The following DIP2C variants were observed in gnomAD, a reference collection of about 807,000 sequenced individuals.
The protein encoded by DIP2C is DIP2 acetate--CoA ligase C (putative), also known as disco-interacting protein 2 homolog C.
DIP2C carries 33 observed loss-of-function variants against 192.4 expected under a neutral mutation model. The ratio of observed to expected loss-of-function variants is 0.17; its 90% CI spans 0.13 to 0.23. The LOEUF (loss-of-function observed/expected upper bound fraction) is 0.23. Ranked by LOEUF, DIP2C falls within the 10% of genes least tolerant of loss-of-function variation. The pLI, the probability that DIP2C is intolerant of heterozygous loss-of-function variation, is 1.00. For synonymous variants in DIP2C, 979 were observed against 864.1 expected, an observed-to-expected ratio of 1.13 and a Z score of -2.33; for missense variants, 1,537 against 2,110.1, an observed-to-expected ratio of 0.73 and a Z score of 5.32.
intron 13 of DIP2C, among the ~76,000 whole-genome samples, chr10:388,659 T>C (rs1278258183): frequency 1.3e-5 from 2 of 152,112 alleles, no homozygotes; most frequent in Admixed American, 6.5e-5. Context: ...GTGTGAAAAC[T>C]CCATGGCCAA....
chr10:603,910 C>A (rs1016532936), intron 1 of DIP2C, among the ~76,000 whole-genome samples: 1 of 151,544 alleles, frequency 6.6e-6, no homozygotes, highest in Non-Finnish European at 1.5e-5. Flanking sequence ...ACCACTGCCC[C>A]AGCCTCAGCC....
At chr10:384,480 C>T (rs1962695794) in intron 15 of DIP2C, 66 bp downstream of exon 15, 2 of 1,513,594 alleles carry the variant, frequency 1.3e-6, no homozygotes, top group Non-Finnish European at 1.8e-6. Context: ...TCAGGTGATC[C>T]ACCTGCTTTG....
chr10:643,519 A>C (rs1193083914), intron 1 of DIP2C, among the ~76,000 whole-genome samples: 1 of 152,170 alleles, frequency 6.6e-6, no homozygotes, highest in Non-Finnish European at 1.5e-5. Context: ...ATCTCAAAAA[A>C]AAACAAAAAC....
intron 1 of DIP2C, among the ~76,000 whole-genome samples, chr10:560,083 G>C (rs952545717): frequency 6.6e-6 from 1 of 151,772 alleles, no homozygotes; most frequent in African/African-American, 2.4e-5. Context: ...TGCGCCCAAG[G>C]CCTGACTCCC....
At chr10:610,599 GAC>G (rs1216638921) in intron 1 of DIP2C, among the ~76,000 whole-genome samples, 1 of 152,242 alleles carries the variant, frequency 6.6e-6, no homozygotes, top group African/African-American at 2.4e-5. Context: ...ATAAACCAAT[GAC>G]AGAATCGTTT....
intron 10 of DIP2C, among the ~76,000 whole-genome samples, chr10:395,888 C>T (rs985986284): frequency 1.3e-5 from 2 of 152,178 alleles, no homozygotes; most frequent in African/African-American, 4.8e-5. Flanking sequence ...GAAGTCCTGG[C>T]CTCCTGAAAT....
intron 1 of DIP2C, among the ~76,000 whole-genome samples, chr10:550,577 A>G (rs2130943142): frequency 1.3e-5 from 2 of 152,314 alleles, no homozygotes; most frequent in East Asian, 3.9e-4. Flanking sequence ...TATTACAACA[A>G]TCAGATCTGT....
intron 3 of DIP2C, among the ~76,000 whole-genome samples, chr10:470,271 G>A (rs932982126): frequency 2.0e-5 from 3 of 152,182 alleles, no homozygotes; most frequent in Non-Finnish European, 2.9e-5. Flanking sequence ...TGTGTGTGAA[G>A]AGGCGCCATA....
rs1959483842 is a variant in DIP2C at position 361,381 on chromosome 10, A to AGGCTGCT, written c.2794+1102_2794+1108dup. On this transcript the variant is annotated intron_variant, in intron 22 of 36. Coordinates refer to ENST00000280886, the MANE Select transcript of DIP2C (RefSeq NM_014974.3). ...ACTGGGTTTTCCTGACCTCGGCGTG[A>AGGCTGCT]GGCTGCTGGCTGCTCTCTCTCGCCT... 2.0e-5 allele frequency among the ~76,000 whole-genome samples: 3 copies of AGGCTGCT among 152,236 alleles called. No homozygotes were observed. In the South Asian group the frequency reaches 6.2e-4, roughly 32 times the overall value.
At chr10:377,113 T>A (rs1038446178) in intron 17 of DIP2C, among the ~76,000 whole-genome samples, 1 of 151,678 alleles carries the variant, frequency 6.6e-6, no homozygotes, top group Non-Finnish European at 1.5e-5. Context: ...TGCCCATCTT[T>A]ACTGCCTCAC....
At chr10:608,217 C>CA (rs1554754390) in intron 1 of DIP2C, among the ~76,000 whole-genome samples, 1 of 33,744 alleles carries the variant, frequency 3.0e-5, no homozygotes, top group South Asian at 1.4e-3. Context: ...CACAGCCCCC[C>CA]CACACACACC....
chr10:600,440 G>T (rs796414295), intron 1 of DIP2C, among the ~76,000 whole-genome samples: 46 of 124,942 alleles, frequency 3.7e-4, no homozygotes, highest in African/African-American at 1.6e-3. Flanking sequence ...CCCAGGGTGT[G>T]CAGATGCTCC....
intron 1 of DIP2C, chr10:650,210 A>G: frequency 1.4e-6 from 1 of 717,348 alleles, no homozygotes; most frequent in Non-Finnish European, 2.6e-6. Flanking sequence ...TGGGGAGGCC[A>G]CACGGGGAGG....
At chr10:686,607 C>G (rs1057308460) in intron 1 of DIP2C, among the ~76,000 whole-genome samples, 10 of 152,272 alleles carry the variant, frequency 6.6e-5, no homozygotes, top group Non-Finnish European at 1.3e-4. Flanking sequence ...AGGCCATCAG[C>G]TCCCACAAGA....
At chr10:495,919 T>C (rs1844795571) in intron 1 of DIP2C, among the ~76,000 whole-genome samples, 1 of 149,186 alleles carries the variant, frequency 6.7e-6, no homozygotes, top group Admixed American at 6.7e-5. Context: ...CCAAAGTGAG[T>C]GCTGAGTACA....
chr10:449,829 TGAA>T (rs1968698046), intron 3 of DIP2C, among the ~76,000 whole-genome samples: 1 of 143,080 alleles, frequency 7.0e-6, no homozygotes, highest in African/African-American at 2.7e-5. Context: ...CCTAATTCCA[TGAA>T]GAAAATATTA....
chr10:415,910 G>T, intron 6 of DIP2C, 22 bp from the exon 7 acceptor site: 1 of 1,613,528 alleles, frequency 6.2e-7, no homozygotes. Context: ...GAATCAGCGG[G>T]TGGGGAAAGC....
chr10:494,672 G>A (rs951754441), intron 1 of DIP2C, among the ~76,000 whole-genome samples: 5 of 152,214 alleles, frequency 3.3e-5, no homozygotes, highest in Non-Finnish European at 5.9e-5. Flanking sequence ...AGAGAGAGGT[G>A]TAGTGAGCAG....
At chr10:658,367 C>T (rs1219091606) in intron 1 of DIP2C, among the ~76,000 whole-genome samples, 2 of 151,502 alleles carry the variant, frequency 1.3e-5, no homozygotes, top group East Asian at 3.9e-4. Context: ...CTGGACCTGC[C>T]GCTGGACCTG....
Sources: allele counts gnomAD v4.1 joint callset (sites outside exome capture counted in the v4.1 genomes callset), GRCh38; gene constraint gnomAD v4.1.1; transcripts MANE v1.5; gene names NCBI Gene and HGNC (gene_info 2026-07-23, HGNC 2026-07-21).